The following CLOCK variants were observed in gnomAD, a reference collection of about 807,000 sequenced individuals.
The protein encoded by CLOCK is clock circadian regulator.
In CLOCK, 43 loss-of-function variants were observed where a neutral mutation model predicts 118.4. The ratio of observed to expected loss-of-function variants is 0.36; its 90% CI spans 0.28 to 0.47. The LOEUF (loss-of-function observed/expected upper bound fraction) is 0.47. Among genes scored for constraint, CLOCK ranks in the 20% least tolerant of loss-of-function variants. The pLI, the probability that CLOCK is intolerant of heterozygous loss-of-function variation, is 1.00. For missense variants in CLOCK, 846 were observed against 999.9 expected, an observed-to-expected ratio of 0.85 and a Z score of 2.08; for synonymous variants, 326 against 339.2, an observed-to-expected ratio of 0.96 and a Z score of 0.43.
At chr4:55,508,593 A>G (rs1340293703) in intron 2 of CLOCK, among the ~76,000 whole-genome samples, 2 of 112,466 alleles carry the variant, frequency 1.8e-5, no homozygotes, top group East Asian at 6.1e-4. Context: ...CACACGGGTA[A>G]ATTTTTTTTT....
rs942250262 is a variant in CLOCK, at chr4:55,430,839, C to T, written c.*4576G>A. 1.3e-5 allele frequency: 2 copies of T among 152,194 alleles called. No individual in the cohort carries two copies. The highest frequency in any genetic ancestry group is 2.4e-5 in the African/African-American group (1 of 41,458). 9.4% of individuals were successfully genotyped at this position (152,194 alleles called of 1,614,324 possible). ...TCATTGGTCTCTTTTGGTGTCCACA[C>T]AATAGGCAAGATAGGTTTACAATAG... On this transcript the variant is annotated 3_prime_UTR_variant, in exon 23 of 23. Transcript: ENST00000513440.
At chr4:55,511,137 T>C (rs1348198702) in intron 1 of CLOCK, among the ~76,000 whole-genome samples, 1 of 152,174 alleles carries the variant, frequency 6.6e-6, no homozygotes, top group South Asian at 2.1e-4. Context: ...TTGTGCAGAA[T>C]GAGAAAAAAG....
intron 19 of CLOCK, among the ~76,000 whole-genome samples, chr4:55,444,167 A>G (rs922482185): frequency 5.9e-5 from 9 of 152,218 alleles, no homozygotes; most frequent in Admixed American, 1.3e-4. Flanking sequence ...TTTATAATTT[A>G]TAACATCACA....
intron 2 of CLOCK, chr4:55,501,583 T>G (rs576720060): frequency 9.9e-5 from 15 of 152,174 alleles, no homozygotes; most frequent in African/African-American, 3.4e-4. Flanking sequence ...ATGCCTGGCT[T>G]ATACATATTT....
At chr4:55,490,042 C>T (rs555247495) in intron 2 of CLOCK, among the ~76,000 whole-genome samples, 11 of 151,572 alleles carry the variant, frequency 7.3e-5, no homozygotes, top group South Asian at 2.1e-4. Context: ...TCACTTTAAA[C>T]GTAAATGGAT....
At chr4:55,515,901 C>A (rs977020298) in intron 1 of CLOCK, among the ~76,000 whole-genome samples, 3 of 152,008 alleles carry the variant, frequency 2.0e-5, no homozygotes, top group African/African-American at 4.8e-5. Context: ...TTTTAGATTT[C>A]TCTTGATACA....
intron 1 of CLOCK, among the ~76,000 whole-genome samples, chr4:55,521,365 T>C (rs1206203517): frequency 6.6e-6 from 1 of 152,180 alleles, no homozygotes; most frequent in Non-Finnish European, 1.5e-5. Context: ...ATTACAGGCA[T>C]GCGCCATCAC....
chr4:55,497,266 A>G (rs1728143153), intron 2 of CLOCK, among the ~76,000 whole-genome samples: 1 of 152,232 alleles, frequency 6.6e-6, no homozygotes, highest in Admixed American at 6.5e-5. Flanking sequence ...TCTTCAAGCC[A>G]GCAGGAGGCC....
rs528864902 is a variant in CLOCK at position 55,517,380 on chromosome 4, C to T, written c.-289-7315G>A. On this transcript the variant is annotated intron_variant, in intron 1 of 22. Coordinates refer to ENST00000513440, the MANE Select transcript of CLOCK (RefSeq NM_004898.4). ...AAAAAATTAGCCGGGTGTGGTGGCA[C>T]GGGCCTGTAGTCCCAGCTACTCAGG... Among the ~76,000 whole-genome samples, 28 of 152,100 alleles carry T rather than the reference C, an allele frequency of 1.8e-4. No individual in the cohort carries two copies. In the South Asian group the frequency reaches 3.3e-3, roughly 18 times the overall value.
At chr4:55,497,579 T>C (rs969669661) in intron 2 of CLOCK, among the ~76,000 whole-genome samples, 3 of 152,202 alleles carry the variant, frequency 2.0e-5, no homozygotes, top group Non-Finnish European at 4.4e-5. Context: ...TATTAATAGA[T>C]AAAAGACTAC....
rs113525002 is a variant in CLOCK, at chr4:55,531,274, G to A, written c.-290+15508C>T. Among the ~76,000 whole-genome samples, 549 of 152,068 alleles carry A rather than the reference G, an allele frequency of 3.6e-3. 3 individuals carry two copies. Among genetic ancestry groups the A allele is most frequent in the Non-Finnish European group, 5.1e-3 (350 of 67,988 alleles). ...AGCACTATAATTAAGTAAAGTGTAA[G>A]TGAGCTAAATCCTCATCTTTCTTAG... On this transcript the variant is annotated intron_variant, in intron 1 of 22. Coordinates refer to ENST00000513440, the MANE Select transcript of CLOCK (RefSeq NM_004898.4).
chr4:55,452,837 T>C, intron 15 of CLOCK: 1 of 431,962 alleles, frequency 2.3e-6, no homozygotes, highest in Non-Finnish European at 4.2e-6. Context: ...TAAATGGTAG[T>C]TTTGAGATCA....
intron 1 of CLOCK, among the ~76,000 whole-genome samples, chr4:55,533,210 TTTC>T (rs1162723910): frequency 2.6e-5 from 4 of 152,150 alleles, no homozygotes; most frequent in African/African-American, 4.8e-5. Context: ...GGCCTCATAC[TTTC>T]TTATTTCAAA....
At chr4:55,445,451 C>G (rs1160234161) in intron 18 of CLOCK, among the ~76,000 whole-genome samples, 1 of 152,052 alleles carries the variant, frequency 6.6e-6, no homozygotes, top group Non-Finnish European at 1.5e-5. Flanking sequence ...AGAAGATCTG[C>G]ATCTTAGCCT....
At chr4:55,512,014 A>G (rs1486453690) in intron 1 of CLOCK, among the ~76,000 whole-genome samples, 1 of 151,838 alleles carries the variant, frequency 6.6e-6, no homozygotes, top group Non-Finnish European at 1.5e-5. Context: ...ATAATGAAAG[A>G]CATTTTGGTT....
intron 1 of CLOCK, among the ~76,000 whole-genome samples, chr4:55,519,299 C>T (rs1729709337): frequency 6.6e-6 from 1 of 152,198 alleles, no homozygotes. Context: ...TCAAGTGGTC[C>T]TCCTGCCTTG....
chr4:55,505,527 T>C (rs774717598), intron 2 of CLOCK, among the ~76,000 whole-genome samples: 1 of 151,672 alleles, frequency 6.6e-6, no homozygotes, highest in Non-Finnish European at 1.5e-5. Context: ...AGCTGGGTGT[T>C]GTGGCACGTG....
At chr4:55,526,239 G>A (rs1216280644) in intron 1 of CLOCK, among the ~76,000 whole-genome samples, 1 of 152,086 alleles carries the variant, frequency 6.6e-6, no homozygotes, top group Non-Finnish European at 1.5e-5. Context: ...CCAAAGTACT[G>A]AAAGCTACTC....
intron 2 of CLOCK, among the ~76,000 whole-genome samples, chr4:55,500,558 C>T (rs374868658): frequency 3.5e-4 from 53 of 151,972 alleles, no homozygotes; most frequent in African/African-American, 1.2e-3. Flanking sequence ...ATTATGTTGC[C>T]CAGGCTGGTC....
Sources: allele counts gnomAD v4.1 joint callset (sites outside exome capture counted in the v4.1 genomes callset), GRCh38; gene constraint gnomAD v4.1.1; transcripts MANE v1.5; gene names NCBI Gene and HGNC (gene_info 2026-07-23, HGNC 2026-07-21).